MYPOP: variants seen among roughly 807,000 people sequenced by gnomAD.
MYPOP encodes the protein myb-related transcription factor, partner of profilin.
In MYPOP, 21 loss-of-function variants were observed where a neutral mutation model predicts 25.7. That is an observed-to-expected ratio of 0.82 (90% CI 0.58 to 1.18). MYPOP has a LOEUF of 1.18. Among genes scored for constraint, MYPOP ranks in the 50% most tolerant of loss-of-function variants. MYPOP has a pLI of 0.00. For synonymous variants in MYPOP, 280 were observed against 247.9 expected, an observed-to-expected ratio of 1.13 and a Z score of -1.22; for missense variants, 566 against 588.3, an observed-to-expected ratio of 0.96 and a Z score of 0.39.
In MYPOP at chr19:45,901,961, A is replaced by T. The variant is rs1967305150; in HGVS notation, c.-52-136T>A. 3.3e-5 allele frequency: 13 copies of T among 399,394 alleles called. No individual in the cohort carries two copies. In the South Asian group the frequency reaches 1.4e-3, roughly 43 times the overall value. The allele number at this position is 399,394 out of a possible 1,614,324, so 24.7% of individuals were successfully genotyped here. ...CGGGGGGCGGGCGGGGGCGACGGGC[A>T]CCCGGGTAAGTCGGAAGCGCCTAAG... On this transcript the variant is annotated intron_variant, in intron 1 of 2. Coordinates refer to ENST00000322217, the MANE Select transcript of MYPOP (RefSeq NM_001012643.4). This position sits in a 1 kb window ranked among gnomAD's most constrained non-coding sequence, Gnocchi z 5.7.
chr19:45,901,467 G>C lies in MYPOP; in HGVS notation c.307C>G (p.Pro103Ala). Residue 103 changes from proline to alanine, a missense_variant, in exon 2 of 3, where the codon CCC becomes GCC. By Grantham distance (27) the Pro-to-Ala change is conservative (BLOSUM62 -1). Transcript: ENST00000322217. The surrounding 1 kb of genome is among the most constrained non-coding windows in gnomAD (Gnocchi z 5.7). Reference protein sequence around the residue: ...RVPHSTQGAGPAAEDAFSAEE... With the variant: ...RVPHSTQGAGAAAEDAFSAEE... Reference sequence around the variant, plus strand: ...GCGGAGAAAGCGTCCTCCGCGGCGGGCCCGGCGCCCTGCGTGGAGTGCGGC... The same window carrying C: ...GCGGAGAAAGCGTCCTCCGCGGCGGCCCCGGCGCCCTGCGTGGAGTGCGGC... The C allele has an allele frequency of 1.2e-6, 2 of 1,602,036 alleles. No homozygotes were observed. The highest frequency in any genetic ancestry group is 1.7e-6 in the Non-Finnish European group (2 of 1,174,600).
chr19:45,894,804 T>C (rs1967179434), intron 2 of MYPOP, among the ~76,000 whole-genome samples: 1 of 151,264 alleles, frequency 6.6e-6, no homozygotes, highest in Non-Finnish European at 1.5e-5. Flanking sequence ...CTGCAACCTC[T>C]GCCTCCAGGG....
Position 45,890,594 on chromosome 19 carries a change from G to A in MYPOP, c.*29C>T. ...CGACTGCGCCAAGCTGGGGAGAGGG[G>A]TTGCAGGCAGGATCATAGATAGTAG... On this transcript the variant is annotated 3_prime_UTR_variant, in exon 3 of 3. Transcript: ENST00000322217. 6.2e-7 allele frequency: 1 copy of A among 1,608,774 alleles called. No individual in the cohort carries two copies. Among genetic ancestry groups the A allele is most frequent in the Non-Finnish European group, 8.5e-7 (1 of 1,177,202 alleles).
rs1293768146 is a variant in MYPOP at position 45,901,825 on chromosome 19, G to A, written c.-52C>T. On this transcript the variant is annotated splice_region_variant and 5_prime_UTR_variant, in exon 2 of 3. Coordinates refer to ENST00000322217, the MANE Select transcript of MYPOP (RefSeq NM_001012643.4). This position sits in a 1 kb window ranked among gnomAD's most constrained non-coding sequence, Gnocchi z 5.7. ...CGTCTGGCGCATGGGGGGCGCCGGC[G>A]CTGCGGGCAAAGGGCGCACGGGGCT... The A allele has an allele frequency of 1.3e-5, 17 of 1,330,236 alleles. No individual in the cohort carries two copies. Among genetic ancestry groups the A allele is most frequent in the Non-Finnish European group, 1.6e-5 (17 of 1,039,988 alleles). The allele number at this position is 1,330,236 out of a possible 1,614,324, so 82.4% of individuals were successfully genotyped here.
Position 45,901,914 on chromosome 19 carries a change from T to A in MYPOP, c.-52-89A>T. ...GACCGCCGGGCCGAGAGCTCCTTAG[T>A]CCCCGGGGGCAGGAGTGGGGGCGGG... On this transcript the variant is annotated intron_variant, in intron 1 of 2. Coordinates refer to ENST00000322217, the MANE Select transcript of MYPOP (RefSeq NM_001012643.4). This position sits in a 1 kb window ranked among gnomAD's most constrained non-coding sequence, Gnocchi z 5.7. 1 of 524,712 alleles carries A rather than the reference T, an allele frequency of 1.9e-6. No homozygotes were observed. Among genetic ancestry groups the A allele is most frequent in the Non-Finnish European group, 2.8e-6 (1 of 363,320 alleles). 32.5% of individuals were successfully genotyped at this position (524,712 alleles called of 1,614,324 possible).
At chr19:45,891,903 G>A (rs1309233264) in intron 2 of MYPOP, among the ~76,000 whole-genome samples, 1 of 152,154 alleles carries the variant, frequency 6.6e-6, no homozygotes, top group Non-Finnish European at 1.5e-5. Flanking sequence ...CTCACAGTAA[G>A]AGCCAACAGT....
intron 2 of MYPOP, among the ~76,000 whole-genome samples, 163 bp from the exon 3 acceptor site, chr19:45,891,486 T>G (rs1241454613): frequency 6.7e-6 from 1 of 148,458 alleles, no homozygotes; most frequent in Non-Finnish European, 1.5e-5. Flanking sequence ...ACCCAGGCTG[T>G]AGTGCAGTGG....
rs774983699 is a variant in MYPOP, at chr19:45,901,594, G to A, written c.180C>T (p.Ala60=). The A allele has an allele frequency of 1.2e-6, 2 of 1,611,414 alleles. No homozygotes were observed. The highest frequency in any genetic ancestry group is 2.2e-5 in the East Asian group (1 of 44,844). ...AGCTGGTGATACCGTTGATCTTGGC[G>A]GCGATGCCGTCCCACACGCGCCGCC... ...AERRRVWDGI[A]AKINGITSWK... Residue 60 remains alanine, a synonymous_variant, in exon 2 of 3, where the codon GCC becomes GCT. Coordinates refer to ENST00000322217, the MANE Select transcript of MYPOP (RefSeq NM_001012643.4). This position sits in a 1 kb window ranked among gnomAD's most constrained non-coding sequence, Gnocchi z 5.7.
chr19:45,898,485 G>A (rs537315832), intron 2 of MYPOP, among the ~76,000 whole-genome samples: 5 of 151,436 alleles, frequency 3.3e-5, no homozygotes, highest in African/African-American at 1.2e-4. Flanking sequence ...CACCACGCGT[G>A]GCTAATTTTG....
At chr19:45,900,906 G>C (rs935644972) in intron 2 of MYPOP, among the ~76,000 whole-genome samples, 2 of 152,152 alleles carry the variant, frequency 1.3e-5, no homozygotes, top group Admixed American at 6.6e-5. Context: ...CCATTTTACA[G>C]ATGCAGCAAC....
chr19:45,898,441 GC>G (rs1170948955), intron 2 of MYPOP, among the ~76,000 whole-genome samples: 1 of 151,968 alleles, frequency 6.6e-6, no homozygotes, highest in African/African-American at 2.4e-5. Flanking sequence ...TCCTGCCTCA[GC>G]CTTCCTGAGT....
intron 2 of MYPOP, among the ~76,000 whole-genome samples, chr19:45,897,410 G>A (rs1425123172): frequency 6.6e-6 from 1 of 152,040 alleles, no homozygotes; most frequent in Non-Finnish European, 1.5e-5. Flanking sequence ...GTGGGCCTGG[G>A]GTGTGAGTGA....
chr19:45,902,505 G>A (rs542946699), intron 1 of MYPOP, 65 bp downstream of exon 1: 77 of 152,374 alleles, frequency 5.1e-4, no homozygotes, highest in Admixed American at 1.6e-3. Flanking sequence ...CGGAGGCTAC[G>A]GGGGACGGCA....
At position 45,891,008 on chromosome 19, in the gene MYPOP, G is replaced by C; in HGVS notation, c.815C>G (p.Ala272Gly). The C allele has an allele frequency of 6.5e-7, 1 of 1,531,528 alleles. No individual in the cohort carries two copies. Among genetic ancestry groups the C allele is most frequent in the Non-Finnish European group, 8.8e-7 (1 of 1,136,082 alleles). The allele number at this position is 1,531,528 out of a possible 1,614,324, so 94.9% of individuals were successfully genotyped here. A position where few individuals can be genotyped will look rare whatever the true frequency, so the allele number is the denominator to read the frequency against. The change falls in exon 3 of 3, where the codon GCC becomes GGC. Residue 272 changes from alanine to glycine, a missense_variant. Ala to Gly is a moderately conservative substitution (Grantham distance 60, BLOSUM62 0). Coordinates refer to ENST00000322217, the MANE Select transcript of MYPOP (RefSeq NM_001012643.4). ...FLRAQQETAN[A>G]IRELAGTLRQ... is the part of the protein sequence containing the mutation. ...AAGGGTGCCGGCCAGCTCCCGGATGGCGTTGGCAGTCTCCTGCTGGGCCCG... is the reference window on the plus strand; with the variant it reads ...AAGGGTGCCGGCCAGCTCCCGGATGCCGTTGGCAGTCTCCTGCTGGGCCCG...
intron 2 of MYPOP, among the ~76,000 whole-genome samples, chr19:45,900,634 A>T (rs1408391632): frequency 8.5e-5 from 13 of 152,116 alleles, no homozygotes; most frequent in Non-Finnish European, 1.5e-5. Context: ...GCTGTAGAAG[A>T]AATAATCCAG....
chr19:45,902,359 C>T (rs1967314507), intron 1 of MYPOP, among the ~76,000 whole-genome samples: 1 of 151,836 alleles, frequency 6.6e-6, no homozygotes, highest in South Asian at 2.1e-4. Context: ...GAGGTGGGAG[C>T]TCCTGTATCA....
At chr19:45,897,185 C>T (rs34717890) in intron 2 of MYPOP, among the ~76,000 whole-genome samples, 17,204 of 151,954 alleles carry the variant, frequency 0.11, 1,086 homozygotes, top group African/African-American at 0.14. Context: ...GCCTCAGCCT[C>T]CCGAGGAGCT....
Position 45,891,011 on chromosome 19 carries a change from T to C in MYPOP, c.812A>G (p.Asn271Ser), listed in dbSNP as rs369070942. 39 of 1,529,700 alleles carry C rather than the reference T, an allele frequency of 2.5e-5. No homozygotes were observed. In the African/African-American group the frequency reaches 4.1e-4, roughly 16 times the overall value. The allele number at this position is 1,529,700 out of a possible 1,614,324, so 94.8% of individuals were successfully genotyped here. Residue 271 changes from asparagine to serine, a missense_variant, in exon 3 of 3, where the codon AAC (asparagine) becomes AGC (serine). By Grantham distance (46) the Asn-to-Ser change is conservative (BLOSUM62 1). Coordinates refer to ENST00000322217, the MANE Select transcript of MYPOP (RefSeq NM_001012643.4). ...DFLRAQQETA[N>S]AIRELAGTLR... The stretch of plus-strand genomic sequence containing the variant: ...GGTGCCGGCCAGCTCCCGGATGGCG[T>C]TGGCAGTCTCCTGCTGGGCCCGCAG...
Position 45,890,470 on chromosome 19 carries a change from C to A in MYPOP, c.*153G>T, listed in dbSNP as rs1280196605. ...GGGGGCCCATTACTGAGGCCCCCCC[C>A]AGAGAATCAGGCACTAACTAGCACA... On this transcript the variant is annotated 3_prime_UTR_variant, in exon 3 of 3. Transcript: ENST00000322217. 15 of 1,305,590 alleles carry A rather than the reference C, an allele frequency of 1.1e-5. No individual in the cohort carries two copies. The highest frequency in any genetic ancestry group is 3.0e-5 in the Admixed American group (1 of 33,582). 80.9% of individuals were successfully genotyped at this position (1,305,590 alleles called of 1,614,324 possible).
Sources: gnomAD v4.1 joint callset for allele counts (sites outside exome capture counted in the v4.1 genomes callset) on GRCh38, gnomAD v4.1.1 for gene constraint, Gnocchi (gnomAD v3.1) non-coding constraint, MANE v1.5 for transcripts, NCBI Gene and HGNC (gene_info 2026-07-23, HGNC 2026-07-21) for gene names.